Variants in LRRTM4 observed in about 807,000 individuals in gnomAD.
LRRTM4 encodes leucine-rich repeat transmembrane neuronal protein 4.
Under a neutral mutation model 47.6 loss-of-function variants are expected in LRRTM4, and 25 were observed. The ratio of observed to expected loss-of-function variants is 0.53; its 90% CI spans 0.38 to 0.73. The LOEUF is 0.73. Among genes scored for constraint, LRRTM4 ranks in the 30% least tolerant of loss-of-function variants. The probability of loss-of-function intolerance (pLI) is 0.00; values close to 1 mark genes in which losing one functional copy is unlikely to be tolerated. For synonymous variants in LRRTM4, 311 were observed against 269.5 expected (o/e 1.15, Z -1.51); for missense variants, 638 against 713.4 (o/e 0.89, Z 1.20).
chr2:77,333,825 T>C (rs563582017), intron 3 of LRRTM4, among the ~76,000 whole-genome samples: 1 of 152,104 alleles, frequency 6.6e-6, no homozygotes, highest in African/African-American at 2.4e-5. Flanking sequence ...GTAATTCCAC[T>C]GACAACTTGC....
At chr2:77,259,300 A>C (rs1050263446) in intron 3 of LRRTM4, among the ~76,000 whole-genome samples, 1 of 152,134 alleles carries the variant, frequency 6.6e-6, no homozygotes, top group Non-Finnish European at 1.5e-5. Context: ...TAAAGTGGAA[A>C]CAATAATACT....
At chr2:76,884,556 A>T (rs1673017064) in intron 3 of LRRTM4, among the ~76,000 whole-genome samples, 1 of 152,182 alleles carries the variant, frequency 6.6e-6, no homozygotes, top group African/African-American at 2.4e-5. Flanking sequence ...AAAGAAATAG[A>T]ATATAGAATG....
At chr2:77,441,871 G>A (rs1447881763) in intron 3 of LRRTM4, among the ~76,000 whole-genome samples, 1 of 152,058 alleles carries the variant, frequency 6.6e-6, no homozygotes, top group African/African-American at 2.4e-5. Flanking sequence ...GGACATTTAA[G>A]GTAGGTGTAT....
chr2:76,787,175 G>A (rs916899741), intron 3 of LRRTM4, among the ~76,000 whole-genome samples: 16 of 151,714 alleles, frequency 1.1e-4, no homozygotes, highest in African/African-American at 3.4e-4. Context: ...CATCTCTAAT[G>A]GAAAAAAGAG....
chr2:76,939,753 A>G (rs575108363), intron 3 of LRRTM4, among the ~76,000 whole-genome samples: 1 of 152,258 alleles, frequency 6.6e-6, no homozygotes, highest in African/African-American at 2.4e-5. Flanking sequence ...TTTAAGTGAT[A>G]TCCTTTTGGC....
chr2:77,300,385 C>T (rs74500467), intron 3 of LRRTM4, among the ~76,000 whole-genome samples: 2 of 152,086 alleles, frequency 1.3e-5, no homozygotes, highest in East Asian at 3.9e-4. Context: ...AAGAAGAGGA[C>T]AAAATAACTA....
chr2:77,488,437 A>T (rs1336241176), intron 3 of LRRTM4, among the ~76,000 whole-genome samples: 1 of 152,176 alleles, frequency 6.6e-6, no homozygotes, highest in East Asian at 1.9e-4. Context: ...GATCAGTGCC[A>T]GTAGCGTGAG....
chr2:77,043,904 T>TA (rs1679123844), intron 3 of LRRTM4, among the ~76,000 whole-genome samples: 1 of 148,702 alleles, frequency 6.7e-6, no homozygotes, highest in South Asian at 2.2e-4. Flanking sequence ...CATAAACAGG[T>TA]AAAAACATTT....
Position 77,072,470 on chromosome 2 carries a change from T to C in LRRTM4, c.1552-323554A>G, listed in dbSNP as rs17406493. On this transcript the variant is annotated intron_variant, in intron 3 of 3. Transcript: ENST00000409884. ...CCAAAGATTTAGAGCATATAATTAA[T>C]TGAGATTCCAACATACAATCCTGGG... Among the ~76,000 whole-genome samples, 794 of 152,272 alleles carry C rather than the reference T, an allele frequency of 5.2e-3. 3 individuals carry two copies. Among genetic ancestry groups the C allele is most frequent in the Non-Finnish European group, 9.3e-3 (635 of 68,020 alleles).
At chr2:76,985,884 A>T (rs1363284959) in intron 3 of LRRTM4, 6 of 151,822 alleles carry the variant, frequency 4.0e-5, no homozygotes, top group African/African-American at 1.5e-4. Flanking sequence ...AATTTGCCCC[A>T]CTCTACTCCA....
At chr2:77,396,010 C>G (rs541005667) in intron 3 of LRRTM4, among the ~76,000 whole-genome samples, 25 of 151,896 alleles carry the variant, frequency 1.6e-4, no homozygotes, top group African/African-American at 5.8e-4. Flanking sequence ...TTATATTTTT[C>G]AGGCTTGGAA....
chr2:77,299,802 A>G (rs1035908564), intron 3 of LRRTM4, among the ~76,000 whole-genome samples: 1 of 152,014 alleles, frequency 6.6e-6, no homozygotes, highest in African/African-American at 2.4e-5. Context: ...ACGGAAATCT[A>G]ACAACACATT....
intron 3 of LRRTM4, among the ~76,000 whole-genome samples, chr2:76,974,173 C>CAT (rs373130989): frequency 0.26 from 32,583 of 127,102 alleles, 5,354 homozygotes; most frequent in African/African-American, 0.49. Flanking sequence ...TATATACATA[C>CAT]ATATATATAC....
chr2:77,481,868 G>GTTTTTTTTTTTTTTTTT (rs565493377), intron 3 of LRRTM4, among the ~76,000 whole-genome samples: 1 of 125,840 alleles, frequency 7.9e-6, no homozygotes, highest in Non-Finnish European at 1.7e-5. Context: ...AGAGTGAAGG[G>GTTTTTTTTTTTTTTTTT]TTTTTTTTTT....
At chr2:77,331,923 T>A (rs1185295812) in intron 3 of LRRTM4, among the ~76,000 whole-genome samples, 1 of 152,206 alleles carries the variant, frequency 6.6e-6, no homozygotes, top group Admixed American at 6.5e-5. Flanking sequence ...TAATTATTTT[T>A]GTAAAAATTT....
chr2:76,920,927 G>T (rs929232187), intron 3 of LRRTM4, among the ~76,000 whole-genome samples: 1 of 151,978 alleles, frequency 6.6e-6, no homozygotes, highest in African/African-American at 2.4e-5. Context: ...TAGATTAACG[G>T]AAATTTGCAA....
intron 3 of LRRTM4, among the ~76,000 whole-genome samples, chr2:76,799,990 G>A (rs1475330620): frequency 1.3e-5 from 2 of 151,778 alleles, no homozygotes; most frequent in South Asian, 2.1e-4. Flanking sequence ...ATGCTCGTGG[G>A]TAGGAAGAAT....
In LRRTM4 at chr2:77,430,326, G is replaced by C. The variant is rs967317019; in HGVS notation, c.1551+87992C>G. Among the ~76,000 whole-genome samples the C allele has an allele frequency of 6.6e-5, 10 of 152,110 alleles. 1 individual carries two copies. The highest frequency in any genetic ancestry group is 2.2e-4 in the African/African-American group (9 of 41,502). Reference sequence around the variant, plus strand: ...ATCCCATATAATCACTTAAAATCTAGGTAATCTCTTAACCTTTTAAAATTA... The same window carrying C: ...ATCCCATATAATCACTTAAAATCTACGTAATCTCTTAACCTTTTAAAATTA... On this transcript the variant is annotated intron_variant, in intron 3 of 3. Transcript: ENST00000409884.
intron 3 of LRRTM4, among the ~76,000 whole-genome samples, chr2:76,754,960 A>G (rs912457128): frequency 3.9e-5 from 6 of 152,154 alleles, no homozygotes; most frequent in Non-Finnish European, 8.8e-5. Context: ...GATATGTAGA[A>G]TTGCTCAGCT....
Sources: allele counts gnomAD v4.1 joint callset (sites outside exome capture counted in the v4.1 genomes callset), GRCh38; gene constraint gnomAD v4.1.1; transcripts MANE v1.5; gene names NCBI Gene and HGNC (gene_info 2026-07-23, HGNC 2026-07-21).